The following CENPC variants were observed in gnomAD, a reference collection of about 807,000 sequenced individuals.
CENPC encodes centromere protein C.
A neutral mutation model predicts 112.1 loss-of-function variants in CENPC; 63 were observed. The observed-to-expected ratio is 0.56, with a 90% confidence interval of 0.46 to 0.69. The LOEUF (loss-of-function observed/expected upper bound fraction) is 0.69, where lower values mean the gene tolerates loss of function less well. Ranked by LOEUF, CENPC falls within the 30% of genes least tolerant of loss-of-function variation. CENPC has a pLI of 0.00. For synonymous variants in CENPC, 333 were observed against 367.6 expected, an observed-to-expected ratio of 0.91 and a Z score of 1.08; for missense variants, 1,000 against 1,103.8, an observed-to-expected ratio of 0.91 and a Z score of 1.33.
At chr4:67,472,869 AG>A (rs1724704790) in intron 18 of CENPC, among the ~76,000 whole-genome samples, 194 bp from the exon 19 acceptor site, 3 of 152,232 alleles carry the variant, frequency 2.0e-5, no homozygotes, top group Non-Finnish European at 4.4e-5. Context: ...ATGAGGCTTG[AG>A]AGAACAGAAA....
chr4:67,519,191 T>C (rs1726146311), intron 6 of CENPC, 26 bp downstream of exon 6: 2 of 1,498,376 alleles, frequency 1.3e-6, no homozygotes, highest in South Asian at 2.7e-5. Context: ...TTAAAGTGCG[T>C]TAACATTATT....
At chr4:67,491,631 T>C (rs1312676301) in intron 16 of CENPC, among the ~76,000 whole-genome samples, 2 of 151,064 alleles carry the variant, frequency 1.3e-5, no homozygotes, top group African/African-American at 4.9e-5. Flanking sequence ...TTTAATCCAA[T>C]ACAGCAGGAG....
chr4:67,513,971 C>A, intron 8 of CENPC, 103 bp downstream of exon 8: 1 of 1,094,298 alleles, frequency 9.1e-7, no homozygotes, highest in South Asian at 2.1e-5. Flanking sequence ...GCTCTTTGTT[C>A]ATTTAGGTTT....
chr4:67,507,446 A>T (rs1054702640), intron 10 of CENPC, among the ~76,000 whole-genome samples: 7 of 152,156 alleles, frequency 4.6e-5, no homozygotes, highest in African/African-American at 1.7e-4. Context: ...CCTACCATTA[A>T]AGTCAAAAGA....
Position 67,491,480 on chromosome 4 carries a change from TAGAGAG to T in CENPC, c.2515+694_2515+699del, listed in dbSNP as rs71219046. On this transcript the variant is annotated intron_variant, in intron 16 of 18. Transcript: ENST00000273853. ...ATATATATATATATATATATATATA[TAGAGAG>T]AGAGAGAGAGAGAGAGAGAGAGAGA... 5.8e-3 allele frequency among the ~76,000 whole-genome samples: 105 copies of T among 18,054 alleles called. 1 individual carries two copies. The highest frequency in any genetic ancestry group is 7.6e-3 in the African/African-American group (43 of 5,666). The allele number at this position is 18,054 out of a possible 152,430, so 11.8% of individuals were successfully genotyped here.
At chr4:67,512,657 C>T (rs1374577091) in intron 8 of CENPC, 88 bp from the exon 9 acceptor site, 75 of 911,270 alleles carry the variant, frequency 8.2e-5, no homozygotes, top group Admixed American at 1.4e-4. Flanking sequence ...CCGTCAATTA[C>T]AGGAACTTCT....
At chr4:67,508,352 C>T (rs1260192121) in intron 10 of CENPC, among the ~76,000 whole-genome samples, 1 of 151,474 alleles carries the variant, frequency 6.6e-6, no homozygotes, top group Non-Finnish European at 1.5e-5. Context: ...ATTTCTCCAA[C>T]AAATTAAAAA....
chr4:67,514,203 A>G lies in CENPC; in HGVS notation c.1315T>C (p.Ser439Pro). 6.2e-7 allele frequency: 1 copy of G among 1,613,210 alleles called. No homozygotes were observed. The highest frequency in any genetic ancestry group is 8.5e-7 in the Non-Finnish European group (1 of 1,179,660). ...GATGTATGTATGTTTTCATCTTTAG[A>G]CTGTCCCACATCAAGCTGTTCTTCA... is the stretch of plus-strand genomic sequence containing the variant. Reference protein sequence around the residue: ...PAEEQLDVGQSKDENIHTSHI... With the variant: ...PAEEQLDVGQPKDENIHTSHI... The change falls in exon 8 of 19, where the codon TCT (serine) becomes CCT (proline). Residue 439 changes from serine (S) to proline (P), a missense_variant. Physicochemically the swap from Ser to Pro is moderately conservative, Grantham distance 74. Coordinates refer to ENST00000273853, the MANE Select transcript of CENPC (RefSeq NM_001812.4).
chr4:67,518,405 G>A lies in CENPC; in HGVS notation c.618-37C>T, dbSNP rs186452542. 224 of 1,472,458 alleles carry A rather than the reference G, an allele frequency of 1.5e-4. No homozygotes were observed. In the African/African-American group the frequency reaches 1.6e-3, roughly 11 times the overall value. The allele number at this position is 1,472,458 out of a possible 1,614,324, so 91.2% of individuals were successfully genotyped here. On this transcript the variant is annotated intron_variant, in intron 6 of 18. Coordinates refer to ENST00000273853, the MANE Select transcript of CENPC (RefSeq NM_001812.4). ...AAAGGAGGGTAAGCTGAATGCTCCC[G>A]TAACGTTTCTTGAGTTATAAGTCTT...
intron 5 of CENPC, among the ~76,000 whole-genome samples, chr4:67,527,377 G>T (rs1459928820): frequency 6.6e-6 from 1 of 151,492 alleles, no homozygotes; most frequent in Non-Finnish European, 1.5e-5. Context: ...ATACTGGCAG[G>T]AGAAAATTTC....
intron 1 of CENPC, among the ~76,000 whole-genome samples, chr4:67,544,703 C>T (rs1320960723): frequency 6.6e-6 from 1 of 151,974 alleles, no homozygotes; most frequent in Non-Finnish European, 1.5e-5. Context: ...GAGTTGTCGC[C>T]CCCATTAGTC....
Position 67,524,413 on chromosome 4 carries a change from G to A in CENPC, c.332-4911C>T, listed in dbSNP as rs543830782. Among the ~76,000 whole-genome samples the A allele has an allele frequency of 3.9e-5, 6 of 152,252 alleles. No homozygotes were observed. In the East Asian group the frequency reaches 7.7e-4, roughly 20 times the overall value. On this transcript the variant is annotated intron_variant, in intron 5 of 18. Coordinates refer to ENST00000273853, the MANE Select transcript of CENPC (RefSeq NM_001812.4). The stretch of plus-strand genomic sequence containing the variant: ...CAAACTGTCTCTGTTTGCAGATGAC[G>A]TGATTGTATACTTAGAAAACCCCAT...
intron 11 of CENPC, 132 bp downstream of exon 11, chr4:67,506,656 G>T: frequency 1.5e-6 from 1 of 684,936 alleles, no homozygotes; most frequent in Non-Finnish European, 2.2e-6. Flanking sequence ...CCAGATTGCT[G>T]AGCCATAGAA....
intron 5 of CENPC, among the ~76,000 whole-genome samples, chr4:67,525,945 G>T (rs1726363924): frequency 6.6e-6 from 1 of 152,150 alleles, no homozygotes; most frequent in Non-Finnish European, 1.5e-5. Context: ...TGATAGACTG[G>T]ATAAAGAAAA....
At chr4:67,507,487 A>C (rs1477002494) in intron 10 of CENPC, among the ~76,000 whole-genome samples, 1 of 152,180 alleles carries the variant, frequency 6.6e-6, no homozygotes, top group South Asian at 2.1e-4. Flanking sequence ...AATACTAGGA[A>C]CAACTGTATG....
At chr4:67,503,218 T>C (rs1232544769) in intron 12 of CENPC, among the ~76,000 whole-genome samples, 1 of 152,174 alleles carries the variant, frequency 6.6e-6, no homozygotes, top group African/African-American at 2.4e-5. Flanking sequence ...TCCTCTGCTC[T>C]AACCCTCTGG....
chr4:67,511,754 A>G (rs355466), intron 9 of CENPC, among the ~76,000 whole-genome samples: 95,795 of 151,932 alleles, frequency 0.63, 30,456 homozygotes, highest in East Asian at 0.81. Context: ...GAGCTTCCCT[A>G]ATAGACATTT....
At chr4:67,520,444 C>A (rs1298308882) in intron 5 of CENPC, among the ~76,000 whole-genome samples, 1 of 152,140 alleles carries the variant, frequency 6.6e-6, no homozygotes, top group Admixed American at 6.5e-5. Flanking sequence ...ACAACCAGGG[C>A]ACCAGCAGAC....
intron 7 of CENPC, among the ~76,000 whole-genome samples, chr4:67,517,026 C>T (rs763223262): frequency 2.4e-4 from 36 of 151,948 alleles, no homozygotes; most frequent in East Asian, 1.2e-3. Context: ...ACAAGTATAA[C>T]GCATTTGTTT....
Sources: allele counts gnomAD v4.1 joint callset (sites outside exome capture counted in the v4.1 genomes callset), GRCh38; gene constraint gnomAD v4.1.1; transcripts MANE v1.5; gene names NCBI Gene and HGNC (gene_info 2026-07-23, HGNC 2026-07-21).